The following SLC2A13 variants were observed in gnomAD, a reference collection of about 807,000 sequenced individuals.
SLC2A13 encodes the protein solute carrier family 2 member 13.
Under a neutral mutation model 64.4 loss-of-function variants are expected in SLC2A13, and 32 were observed. The observed-to-expected ratio is 0.50, with a 90% confidence interval of 0.37 to 0.67. The LOEUF is 0.67. Ranked by LOEUF, SLC2A13 falls within the 30% of genes least tolerant of loss-of-function variation. The probability of loss-of-function intolerance (pLI) is 0.00; values close to 1 mark genes in which losing one functional copy is unlikely to be tolerated. For synonymous variants in SLC2A13, 338 were observed against 327.1 expected (o/e 1.03, Z -0.36); for missense variants, 743 against 829.2 (o/e 0.90, Z 1.28).
intron 1 of SLC2A13, among the ~76,000 whole-genome samples, chr12:40,071,659 T>G (rs907811725): frequency 6.6e-6 from 1 of 152,168 alleles, no homozygotes; most frequent in Admixed American, 6.6e-5. Context: ...TGGAAGGTTA[T>G]GATATATTGT....
chr12:39,810,120 C>G (rs1361171019), intron 7 of SLC2A13, among the ~76,000 whole-genome samples: 5 of 152,162 alleles, frequency 3.3e-5, no homozygotes, highest in Admixed American at 6.5e-5. Flanking sequence ...TACAGTCCCA[C>G]CAACAATGTA....
rs1939289052 is a variant in SLC2A13 at position 40,105,704 on chromosome 12, C to T, written c.105G>A (p.Ala35=). Residue 35 remains alanine (A), a synonymous_variant, in exon 1 of 10, where the codon GCG becomes GCA. Transcript: ENST00000280871. This position sits in a 1 kb window ranked among gnomAD's most constrained non-coding sequence, Gnocchi z 4.2. ...CAGCCAGGAGGCTGCACTCCCCGGCCGCGCTCGCCGCGTCCGGCTCCGGCT... is the reference window on the plus strand; with the variant it reads ...CAGCCAGGAGGCTGCACTCCCCGGCTGCGCTCGCCGCGTCCGGCTCCGGCT... The part of the protein sequence containing the change: ...RKQPEPDAAS[A]AGECSLLAAA... 4 of 1,480,688 alleles carry T rather than the reference C, an allele frequency of 2.7e-6. No individual in the cohort carries two copies. Among genetic ancestry groups the T allele is most frequent in the Non-Finnish European group, 3.6e-6 (4 of 1,116,022 alleles). 91.7% of individuals were successfully genotyped at this position (1,480,688 alleles called of 1,614,324 possible). A position where few individuals can be genotyped will look rare whatever the true frequency, so the allele number is the denominator to read the frequency against.
At chr12:40,087,699 G>A (rs2136292687) in intron 1 of SLC2A13, among the ~76,000 whole-genome samples, 1 of 152,216 alleles carries the variant, frequency 6.6e-6, no homozygotes, top group South Asian at 2.1e-4. Flanking sequence ...ACCAGAGTAA[G>A]CCAACACTAC....
chr12:40,062,787 C>T (rs563780753), intron 1 of SLC2A13, among the ~76,000 whole-genome samples: 1 of 152,082 alleles, frequency 6.6e-6, no homozygotes, highest in South Asian at 2.1e-4. Context: ...ATTAATTATG[C>T]TCTAAATTTA....
chr12:39,959,597 A>G (rs1025954636), intron 3 of SLC2A13, among the ~76,000 whole-genome samples: 1 of 152,210 alleles, frequency 6.6e-6, no homozygotes, highest in African/African-American at 2.4e-5. Flanking sequence ...TTCTTTCTAA[A>G]TTCTAAAATA....
intron 7 of SLC2A13, among the ~76,000 whole-genome samples, chr12:39,810,098 G>GT (rs1942106999): frequency 1.3e-5 from 2 of 152,140 alleles, no homozygotes; most frequent in African/African-American, 4.8e-5. Context: ...TTCCACAATG[G>GT]TTGGACTAGT....
At chr12:39,777,564 G>A (rs1566776367) in intron 7 of SLC2A13, among the ~76,000 whole-genome samples, 1 of 152,154 alleles carries the variant, frequency 6.6e-6, no homozygotes, top group East Asian at 1.9e-4. Context: ...CTGCACAAAT[G>A]TTGCACTTCC....
chr12:39,767,989 T>A (rs989582083), intron 7 of SLC2A13, among the ~76,000 whole-genome samples: 3 of 152,122 alleles, frequency 2.0e-5, no homozygotes, highest in African/African-American at 7.2e-5. Context: ...TCTCAGGCAG[T>A]TATTTATAGC....
chr12:39,925,610 T>C (rs1184459307), intron 4 of SLC2A13, among the ~76,000 whole-genome samples: 1 of 152,162 alleles, frequency 6.6e-6, no homozygotes, highest in Non-Finnish European at 1.5e-5. Context: ...ACTTAAAAGC[T>C]AGGAAGCTAT....
intron 4 of SLC2A13, among the ~76,000 whole-genome samples, chr12:39,917,285 C>T (rs1418264703): frequency 1.3e-5 from 2 of 152,010 alleles, no homozygotes; most frequent in Non-Finnish European, 2.9e-5. Context: ...AAAGGAACAA[C>T]ATTTATTCAG....
intron 4 of SLC2A13, among the ~76,000 whole-genome samples, chr12:39,902,173 C>T (rs1945140135): frequency 7.5e-6 from 1 of 133,354 alleles, no homozygotes; most frequent in African/African-American, 2.9e-5. Flanking sequence ...ATGAGAACAT[C>T]ACACTCTGGG....
chr12:39,941,263 CTT>C (rs1946020670), intron 4 of SLC2A13, among the ~76,000 whole-genome samples: 2 of 152,016 alleles, frequency 1.3e-5, no homozygotes, highest in Admixed American at 1.3e-4. Flanking sequence ...CGAATAATGA[CTT>C]ATTTTCCTCT....
intron 9 of SLC2A13, 61 bp downstream of exon 9, chr12:39,764,399 T>A: frequency 7.4e-7 from 1 of 1,349,804 alleles, no homozygotes; most frequent in Non-Finnish European, 1.0e-6. Flanking sequence ...GATATTATAG[T>A]GTATCTAAAA....
At position 40,077,760 on chromosome 12, in the gene SLC2A13, A is replaced by G. The variant is rs924484045; in HGVS notation, c.556+27493T>C. Among the ~76,000 whole-genome samples the G allele has an allele frequency of 3.3e-5, 5 of 152,184 alleles. No homozygotes were observed. In the South Asian group the frequency reaches 6.2e-4, roughly 19 times the overall value. On this transcript the variant is annotated intron_variant, in intron 1 of 9. Transcript: ENST00000280871. Reference sequence around the variant, plus strand: ...AGTTGGACATATGGCCATTTAAACAATATTAACTTTTCCTATCCATGAACA... The same window carrying G: ...AGTTGGACATATGGCCATTTAAACAGTATTAACTTTTCCTATCCATGAACA...
intron 1 of SLC2A13, among the ~76,000 whole-genome samples, chr12:40,049,647 A>C (rs1948223388): frequency 1.3e-5 from 2 of 152,266 alleles, no homozygotes; most frequent in Non-Finnish European, 1.5e-5. Flanking sequence ...TTTGTGACCC[A>C]AACTCTCTCC....
At chr12:40,071,582 C>T (rs1435759910) in intron 1 of SLC2A13, among the ~76,000 whole-genome samples, 4 of 152,138 alleles carry the variant, frequency 2.6e-5, no homozygotes, top group Non-Finnish European at 4.4e-5. Flanking sequence ...ACAATTGGTA[C>T]AGTTTCTCTC....
chr12:39,807,084 A>G (rs940545791), intron 7 of SLC2A13, among the ~76,000 whole-genome samples: 6 of 149,316 alleles, frequency 4.0e-5, no homozygotes, highest in Non-Finnish European at 7.4e-5. Context: ...CACTGAAAGT[A>G]ATTGCAACAC....
chr12:40,004,242 T>A (rs1196809000), intron 3 of SLC2A13, among the ~76,000 whole-genome samples: 1 of 152,028 alleles, frequency 6.6e-6, no homozygotes, highest in Non-Finnish European at 1.5e-5. Flanking sequence ...TGGAGTGCAA[T>A]GGTGCAATCT....
rs149918587 is a variant in SLC2A13, at chr12:40,064,072, G to T, written c.557-15862C>A. 4.9e-4 allele frequency among the ~76,000 whole-genome samples: 75 copies of T among 152,098 alleles called. No homozygotes were observed. The East Asian group carries it at 0.014, about 29-fold the overall frequency. On this transcript the variant is annotated intron_variant, in intron 1 of 9. Transcript: ENST00000280871. ...AGCCTGGGCAACACAGTAAGAACCT[G>T]TCTGTATAAAACATTTTTTAAAATT...
Sources: gnomAD v4.1 joint callset for allele counts (sites outside exome capture counted in the v4.1 genomes callset) on GRCh38, gnomAD v4.1.1 for gene constraint, Gnocchi (gnomAD v3.1) non-coding constraint, MANE v1.5 for transcripts, NCBI Gene and HGNC (gene_info 2026-07-23, HGNC 2026-07-21) for gene names.